The following RALB variants were observed in gnomAD, a reference collection of about 807,000 sequenced individuals.
The protein encoded by RALB is ras-related protein Ral-B.
A neutral mutation model predicts 21.3 loss-of-function variants in RALB; 16 were observed. That is an observed-to-expected ratio of 0.75 (90% CI 0.51 to 1.14). The LOEUF is 1.14. RALB is among the 50% of genes most tolerant of loss of function. The probability of loss-of-function intolerance (pLI) is 0.00; values close to 1 mark genes in which losing one functional copy is unlikely to be tolerated. For missense variants in RALB, 161 were observed against 256.2 expected, an observed-to-expected ratio of 0.63 and a Z score of 2.54; for synonymous variants, 93 against 96.1, an observed-to-expected ratio of 0.97 and a Z score of 0.19.
intron 2 of RALB, among the ~76,000 whole-genome samples, chr2:120,279,315 C>T (rs528683629): frequency 2.0e-5 from 3 of 152,222 alleles, no homozygotes; most frequent in South Asian, 4.2e-4. Flanking sequence ...GACAACACAG[C>T]CTTGATCCCC....
At chr2:120,268,149 T>A (rs1689552342) in intron 1 of RALB, among the ~76,000 whole-genome samples, 1 of 152,140 alleles carries the variant, frequency 6.6e-6, no homozygotes, top group South Asian at 2.1e-4. Flanking sequence ...GCCACCAAAT[T>A]TTACAAATTG....
intron 1 of RALB, among the ~76,000 whole-genome samples, chr2:120,268,500 G>A (rs770368640): frequency 6.6e-5 from 10 of 152,158 alleles, no homozygotes; most frequent in Non-Finnish European, 1.2e-4. Context: ...TGGCTAATCC[G>A]ACCAGATGCC....
intron 1 of RALB, among the ~76,000 whole-genome samples, chr2:120,256,854 A>G (rs899136768): frequency 6.6e-6 from 1 of 152,214 alleles, no homozygotes; most frequent in Non-Finnish European, 1.5e-5. Flanking sequence ...CTTGGAGGCT[A>G]GCCACCACAA....
At chr2:120,268,025 C>T (rs6722943) in intron 1 of RALB, among the ~76,000 whole-genome samples, 105,205 of 152,044 alleles carry the variant, frequency 0.69, 36,967 homozygotes, top group Middle Eastern at 0.8. Context: ...CTCCTGACCT[C>T]GTGATCTGCC....
chr2:120,280,992 T>C lies in RALB; in HGVS notation c.114+2214T>C, dbSNP rs1470051741. The C allele has an allele frequency of 8.9e-6, 3 of 336,178 alleles. No homozygotes were observed. In the Admixed American group the frequency reaches 1.4e-4, roughly 15 times the overall value. 20.8% of individuals were successfully genotyped at this position (336,178 alleles called of 1,614,324 possible). ...GTGCTGTTTGTATTAGTTTTTTTTA[T>C]TACTGTATAATAATCACAAAGTTAG... is the stretch of plus-strand genomic sequence containing the variant. On this transcript the variant is annotated intron_variant, in intron 2 of 4. Transcript: ENST00000272519.
At chr2:120,285,169 C>T (rs760795670) in intron 2 of RALB, among the ~76,000 whole-genome samples, 5 of 152,072 alleles carry the variant, frequency 3.3e-5, no homozygotes, top group African/African-American at 7.2e-5. Context: ...CTTCACAAGG[C>T]GCCAGGAAGA....
chr2:120,279,196 A>G lies in RALB; in HGVS notation c.114+418A>G, dbSNP rs566604108. On this transcript the variant is annotated intron_variant, in intron 2 of 4. Coordinates refer to ENST00000272519, the MANE Select transcript of RALB (RefSeq NM_002881.3). ...AACTTAATCCTTTCGCAAGTGATAG[A>G]CATCAGATCCAGTTCTCCCGTGCGG... Among the ~76,000 whole-genome samples the G allele has an allele frequency of 4.6e-5, 7 of 152,352 alleles. No individual in the cohort carries two copies. In the East Asian group the frequency reaches 1.2e-3, roughly 25 times the overall value.
intron 1 of RALB, among the ~76,000 whole-genome samples, chr2:120,243,725 A>G (rs556082877): frequency 1.3e-5 from 2 of 152,356 alleles, no homozygotes; most frequent in East Asian, 1.9e-4. Context: ...AAAATACAAC[A>G]TGCCCAGTTA....
intron 4 of RALB, among the ~76,000 whole-genome samples, chr2:120,292,919 T>C (rs1690341544): frequency 6.6e-6 from 1 of 152,260 alleles, no homozygotes; most frequent in African/African-American, 2.4e-5. Context: ...TTTTTAAGGT[T>C]AATTTTTCTT....
intron 1 of RALB, among the ~76,000 whole-genome samples, chr2:120,255,189 A>G (rs1415229099): frequency 1.3e-5 from 2 of 152,180 alleles, no homozygotes; most frequent in Non-Finnish European, 2.9e-5. Flanking sequence ...CAGATGGTAT[A>G]CAGGAGTCCC....
chr2:120,263,838 A>G (rs1396838245), intron 1 of RALB, among the ~76,000 whole-genome samples: 1 of 146,992 alleles, frequency 6.8e-6, no homozygotes, highest in Non-Finnish European at 1.5e-5. Context: ...CCTGTCCTAT[A>G]TTTTATTTTA....
chr2:120,254,195 T>TC (rs932676038), intron 1 of RALB, among the ~76,000 whole-genome samples: 16 of 152,306 alleles, frequency 1.1e-4, no homozygotes, highest in African/African-American at 3.9e-4. Flanking sequence ...TGGAGCACGA[T>TC]CTTTCCCCCT....
At chr2:120,240,283 TTTTATTTTTA>T (rs1688872136) in intron 1 of RALB, among the ~76,000 whole-genome samples, 1 of 141,640 alleles carries the variant, frequency 7.1e-6, no homozygotes, top group African/African-American at 2.9e-5. Context: ...ACTTTTTTAT[TTTTATTTTTA>T]TTTTTTTTTG....
intron 1 of RALB, among the ~76,000 whole-genome samples, chr2:120,267,560 G>A (rs917198835): frequency 7.9e-5 from 12 of 152,152 alleles, no homozygotes; most frequent in Non-Finnish European, 1.2e-4. Context: ...TATCATGTCC[G>A]AAGCAGGGTC....
intron 1 of RALB, among the ~76,000 whole-genome samples, chr2:120,246,192 G>T (rs945285222): frequency 6.6e-6 from 1 of 152,220 alleles, no homozygotes; most frequent in Non-Finnish European, 1.5e-5. Flanking sequence ...TTTGTGGGTG[G>T]GACAGAGTGA....
At chr2:120,264,069 G>C (rs1189779868) in intron 1 of RALB, among the ~76,000 whole-genome samples, 5 of 151,784 alleles carry the variant, frequency 3.3e-5, no homozygotes, top group Admixed American at 6.6e-5. Context: ...GGTTGGGCTC[G>C]AACTCCTGAC....
intron 1 of RALB, among the ~76,000 whole-genome samples, chr2:120,265,732 A>G (rs1689485751): frequency 2.0e-5 from 3 of 152,192 alleles, no homozygotes; most frequent in Admixed American, 6.5e-5. Context: ...GACAAATCAT[A>G]CAAACTCTGT....
intron 1 of RALB, among the ~76,000 whole-genome samples, chr2:120,263,541 C>T (rs1689423658): frequency 6.6e-6 from 1 of 152,092 alleles, no homozygotes; most frequent in African/African-American, 2.4e-5. Flanking sequence ...CATAACAGTC[C>T]TAAGGATATA....
At chr2:120,254,932 T>C (rs1262840908) in intron 1 of RALB, among the ~76,000 whole-genome samples, 1 of 152,218 alleles carries the variant, frequency 6.6e-6, no homozygotes, top group Non-Finnish European at 1.5e-5. Flanking sequence ...CACCTTGGCC[T>C]CTCAAAGTGC....
Sources: allele counts gnomAD v4.1 joint callset (sites outside exome capture counted in the v4.1 genomes callset), GRCh38; gene constraint gnomAD v4.1.1; transcripts MANE v1.5; gene names NCBI Gene and HGNC (gene_info 2026-07-23, HGNC 2026-07-21).